PRKN: variants seen among roughly 807,000 people sequenced by gnomAD.
The protein encoded by PRKN is parkin RBR E3 ubiquitin protein ligase.
Under a neutral mutation model 59.5 loss-of-function variants are expected in PRKN, and 56 were observed. The observed-to-expected ratio is 0.94, with a 90% CI of 0.76 to 1.18. PRKN has a LOEUF of 1.18. Among genes scored for constraint, PRKN ranks in the 50% most tolerant of loss-of-function variants. The probability of loss-of-function intolerance (pLI) is 0.00; values close to 1 mark genes in which losing one functional copy is unlikely to be tolerated. For missense variants in PRKN, 657 were observed against 596.4 expected (o/e 1.10, Z -1.06); for synonymous variants, 250 against 222.1 (o/e 1.13, Z -1.12).
chr6:162,203,414 C>A (rs772458953), intron 3 of PRKN, among the ~76,000 whole-genome samples: 3 of 152,136 alleles, frequency 2.0e-5, no homozygotes, highest in African/African-American at 7.2e-5. Flanking sequence ...GTGGCTGCAG[C>A]GCTTTTCAAG....
At chr6:161,406,471 T>A (rs765367386) in intron 9 of PRKN, among the ~76,000 whole-genome samples, 41 of 152,294 alleles carry the variant, frequency 2.7e-4, no homozygotes, top group Middle Eastern at 3.4e-3. Flanking sequence ...AATGCTTCAA[T>A]CACTGTAACT....
chr6:162,256,236 C>G (rs1779634483), intron 3 of PRKN, among the ~76,000 whole-genome samples: 1 of 152,028 alleles, frequency 6.6e-6, no homozygotes, highest in South Asian at 2.1e-4. Flanking sequence ...GTTTCATTTT[C>G]TATTATATAA....
chr6:162,723,450 C>T (rs966435041), intron 1 of PRKN, among the ~76,000 whole-genome samples: 2 of 152,264 alleles, frequency 1.3e-5, no homozygotes, highest in East Asian at 1.9e-4. Context: ...CACTGAAAGG[C>T]ACTACCCCTA....
intron 3 of PRKN, among the ~76,000 whole-genome samples, chr6:162,233,891 T>C (rs975293496): frequency 1.3e-5 from 2 of 152,202 alleles, no homozygotes; most frequent in Non-Finnish European, 1.5e-5. Flanking sequence ...CCTCACCAGA[T>C]GCCGGTGGCA....
chr6:162,494,908 C>G, intron 1 of PRKN, among the ~76,000 whole-genome samples: 1 of 152,166 alleles, frequency 6.6e-6, no homozygotes. Flanking sequence ...TTATTAGAGA[C>G]CAGAACATAG....
At position 161,525,703 on chromosome 6, in the gene PRKN, C is replaced by A. The variant is rs1278111201; in HGVS notation, c.1083+23151G>T. 2.6e-5 allele frequency among the ~76,000 whole-genome samples: 4 copies of A among 152,108 alleles called. No individual in the cohort carries two copies. Among genetic ancestry groups the A allele is most frequent in the Admixed American group, 2.6e-4 (4 of 15,270 alleles). ...GTACTTGGGATCTTTGAAGGCTATA[C>A]TATTTTAAAAAATTATTCTATTCAG... On this transcript the variant is annotated intron_variant, in intron 9 of 11. Coordinates refer to ENST00000366898, the MANE Select transcript of PRKN (RefSeq NM_004562.3). The surrounding 1 kb of genome is among the most constrained non-coding windows in gnomAD (Gnocchi z 4.7).
rs1464804557 is a variant in PRKN, at chr6:161,484,002, C to G, written c.1083+64852G>C. The stretch of plus-strand genomic sequence containing the variant: ...GAGCACACATGGACACATGGGGGAA[C>G]AACACACACTGGGGCCTGCTGGGGG... On this transcript the variant is annotated intron_variant, in intron 9 of 11. Coordinates refer to ENST00000366898, the MANE Select transcript of PRKN (RefSeq NM_004562.3). The surrounding 1 kb of genome is among the most constrained non-coding windows in gnomAD (Gnocchi z 4.9). Among the ~76,000 whole-genome samples, 1 of 151,896 alleles carries G rather than the reference C, an allele frequency of 6.6e-6. No individual in the cohort carries two copies. Among genetic ancestry groups the G allele is most frequent in the Non-Finnish European group, 1.5e-5 (1 of 68,006 alleles).
intron 7 of PRKN, among the ~76,000 whole-genome samples, chr6:161,726,708 C>G: frequency 6.6e-6 from 1 of 151,912 alleles, no homozygotes; most frequent in East Asian, 1.9e-4. Context: ...GAGGCAAAAA[C>G]AAAGATAATG....
intron 3 of PRKN, among the ~76,000 whole-genome samples, chr6:162,230,470 CA>C (rs982942301): frequency 5.3e-5 from 8 of 152,338 alleles, no homozygotes; most frequent in Non-Finnish European, 1.2e-4. Flanking sequence ...GGAAGGCACT[CA>C]GCTGATAACC....
intron 1 of PRKN, among the ~76,000 whole-genome samples, chr6:162,611,130 CTTAAGTAAATAAATA>C (rs1782128439): frequency 6.6e-6 from 1 of 151,980 alleles, no homozygotes; most frequent in Non-Finnish European, 1.5e-5. Flanking sequence ...TATACAATTG[CTTAAGTAAATAAATA>C]TTAAAGACTG....
In PRKN at chr6:161,419,184, G is replaced by A. The variant is rs1787978032; in HGVS notation, c.1084-32307C>T. ...TTTACGAGCTAACGTGCTACACAGA[G>A]TTTGATGCTTCTTGTGCGTGATCTC... On this transcript the variant is annotated intron_variant, in intron 9 of 11. Coordinates refer to ENST00000366898, the MANE Select transcript of PRKN (RefSeq NM_004562.3). This position sits in a 1 kb window ranked among gnomAD's most constrained non-coding sequence, Gnocchi z 4.1. Among the ~76,000 whole-genome samples the A allele has an allele frequency of 1.3e-5, 2 of 152,298 alleles. No homozygotes were observed. Among genetic ancestry groups the A allele is most frequent in the South Asian group, 4.1e-4 (2 of 4,830 alleles).
intron 3 of PRKN, among the ~76,000 whole-genome samples, chr6:162,228,173 C>A (rs1461305180): frequency 6.6e-6 from 1 of 152,136 alleles, no homozygotes; most frequent in Admixed American, 6.6e-5. Context: ...GTCTTTATTT[C>A]TACTGAAGCA....
chr6:161,416,312 G>A (rs1562433611), intron 9 of PRKN, among the ~76,000 whole-genome samples: 2 of 152,008 alleles, frequency 1.3e-5, no homozygotes, highest in South Asian at 2.1e-4. Flanking sequence ...GCTTGATGAC[G>A]GATTGGGCTT....
rs1794489988 is a variant in PRKN, at chr6:161,874,116, ATAATATATAATATATAT to A, written c.735-88225_735-88209del. 1.2e-4 allele frequency among the ~76,000 whole-genome samples: 9 copies of A among 76,752 alleles called. 1 individual carries two copies. The highest frequency in any genetic ancestry group is 5.1e-4 in the African/African-American group (9 of 17,668). The allele number at this position is 76,752 out of a possible 152,430, so 50.4% of individuals were successfully genotyped here. A position where few individuals can be genotyped will look rare whatever the true frequency, so the allele number is the denominator to read the frequency against. On this transcript the variant is annotated intron_variant, in intron 6 of 11. Transcript: ENST00000366898. The stretch of plus-strand genomic sequence containing the variant: ...ATATAATATATATTATATGTAAAAT[ATAATATATAATATATAT>A]TATATGTAAAATATAATATATATTA...
At chr6:161,629,397 C>T (rs966940132) in intron 7 of PRKN, among the ~76,000 whole-genome samples, 2 of 152,122 alleles carry the variant, frequency 1.3e-5, no homozygotes, top group African/African-American at 4.8e-5. Context: ...AGCCTCTCCC[C>T]TGCACCCCGG....
chr6:162,547,908 G>A (rs933086419), intron 1 of PRKN, among the ~76,000 whole-genome samples: 5 of 151,034 alleles, frequency 3.3e-5, no homozygotes, highest in Non-Finnish European at 7.4e-5. Context: ...GCCAAGATCC[G>A]ATAAGAAGTT....
chr6:161,798,359 G>A (rs1169657654), intron 6 of PRKN, among the ~76,000 whole-genome samples: 2 of 152,214 alleles, frequency 1.3e-5, no homozygotes, highest in Non-Finnish European at 2.9e-5. Context: ...TAGGAGGGTG[G>A]TGTGAGCCGG....
intron 1 of PRKN, among the ~76,000 whole-genome samples, chr6:162,579,064 T>A (rs1221922595): frequency 1.3e-5 from 2 of 152,070 alleles, no homozygotes; most frequent in East Asian, 3.8e-4. Flanking sequence ...TCCTATCTTT[T>A]AAAATCTTAT....
At chr6:162,355,449 T>C (rs1462846938) in intron 2 of PRKN, among the ~76,000 whole-genome samples, 1 of 151,806 alleles carries the variant, frequency 6.6e-6, no homozygotes. Context: ...TGTGTAGATA[T>C]ATATACACAC....
Sources: allele counts gnomAD v4.1 joint callset (sites outside exome capture counted in the v4.1 genomes callset), GRCh38; gene constraint gnomAD v4.1.1; non-coding constraint Gnocchi (gnomAD v3.1); transcripts MANE v1.5; gene names NCBI Gene and HGNC (gene_info 2026-07-23, HGNC 2026-07-21).